The following PLEKHA2 variants were observed in gnomAD, a reference collection of about 807,000 sequenced individuals.
PLEKHA2 encodes pleckstrin homology domain-containing family A member 2.
Under a neutral mutation model 53.2 loss-of-function variants are expected in PLEKHA2, and 28 were observed. The observed-to-expected ratio is 0.53, with a 90% CI of 0.39 to 0.72. The LOEUF (loss-of-function observed/expected upper bound fraction) is 0.72. Among genes scored for constraint, PLEKHA2 ranks in the 30% least tolerant of loss-of-function variants. The pLI, the probability that PLEKHA2 is intolerant of heterozygous loss-of-function variation, is 0.00. For missense variants in PLEKHA2, 426 were observed against 537.9 expected, an observed-to-expected ratio of 0.79 and a Z score of 2.06; for synonymous variants, 193 against 196.4, an observed-to-expected ratio of 0.98 and a Z score of 0.14.
chr8:38,962,357 A>C (rs753553460), intron 10 of PLEKHA2, among the ~76,000 whole-genome samples: 10 of 152,110 alleles, frequency 6.6e-5, no homozygotes, highest in Non-Finnish European at 1.2e-4. Flanking sequence ...AAAGAAAAGA[A>C]AAAAATAAGA....
Position 38,924,157 on chromosome 8 carries a change from C to A in PLEKHA2, c.141+6087C>A, listed in dbSNP as rs376844982. Among the ~76,000 whole-genome samples the A allele has an allele frequency of 9.2e-5, 14 of 152,266 alleles. 1 individual carries two copies. Among genetic ancestry groups the A allele is most frequent in the African/African-American group, 3.4e-4 (14 of 41,550 alleles). On this transcript the variant is annotated intron_variant, in intron 2 of 11. Transcript: ENST00000617275. Reference sequence around the variant, plus strand: ...GAGCCACTACGCCTGGCCCGGTTTTCACTTACAAGATGTCCTTTGATTGTT... The same window carrying A: ...GAGCCACTACGCCTGGCCCGGTTTTAACTTACAAGATGTCCTTTGATTGTT...
chr8:38,918,303 C>T (rs1199671262), intron 2 of PLEKHA2, among the ~76,000 whole-genome samples: 2 of 149,586 alleles, frequency 1.3e-5, no homozygotes, highest in East Asian at 4.0e-4. Flanking sequence ...GCACCTTATA[C>T]ACACACACCA....
chr8:38,923,047 AAAC>A (rs1391477030), intron 2 of PLEKHA2, among the ~76,000 whole-genome samples: 1 of 152,180 alleles, frequency 6.6e-6, no homozygotes, highest in African/African-American at 2.4e-5. Flanking sequence ...GGGGAGAGGA[AAAC>A]AACACACACA....
intron 1 of PLEKHA2, among the ~76,000 whole-genome samples, chr8:38,905,685 C>CT (rs5891048): frequency 0.66 from 78,015 of 117,588 alleles, 26,557 homozygotes; most frequent in Admixed American, 0.72. Flanking sequence ...TGTGTTTTTG[C>CT]TTTTTTTTTT....
In PLEKHA2 at chr8:38,969,791, C is replaced by G; in HGVS notation, c.*8C>G. ...CGGACCTCTGATGTGTGATGGAGCA[C>G]AGTGCCATGGGAGGGAGGGAGGGAG... On this transcript the variant is annotated 3_prime_UTR_variant, in exon 12 of 12. Coordinates refer to ENST00000617275, the MANE Select transcript of PLEKHA2 (RefSeq NM_021623.2). 1 of 1,232,418 alleles carries G rather than the reference C, an allele frequency of 8.1e-7. No homozygotes were observed. Among genetic ancestry groups the G allele is most frequent in the Non-Finnish European group, 1.1e-6 (1 of 880,232 alleles). 76.3% of individuals were successfully genotyped at this position (1,232,418 alleles called of 1,614,324 possible). A position where few individuals can be genotyped will look rare whatever the true frequency, so the allele number is the denominator to read the frequency against.
chr8:38,969,310 G>C, intron 11 of PLEKHA2, 111 bp from the exon 12 acceptor site: 1 of 1,287,576 alleles, frequency 7.8e-7, no homozygotes. Flanking sequence ...AAGCATCCTT[G>C]GACTTATGAG....
chr8:38,963,862 T>C (rs922737566), intron 10 of PLEKHA2, among the ~76,000 whole-genome samples: 11 of 152,178 alleles, frequency 7.2e-5, no homozygotes, highest in Admixed American at 4.6e-4. Context: ...GACCGAAAAA[T>C]GTTCTTAAGA....
At chr8:38,937,292 T>C (rs1441904845) in intron 3 of PLEKHA2, among the ~76,000 whole-genome samples, 16 of 151,944 alleles carry the variant, frequency 1.1e-4, no homozygotes, top group Non-Finnish European at 1.0e-4. Flanking sequence ...TGCCTTGTGG[T>C]GAGAAATGTG....
chr8:38,923,622 C>G (rs895059408), intron 2 of PLEKHA2, among the ~76,000 whole-genome samples: 1 of 152,162 alleles, frequency 6.6e-6, no homozygotes, highest in African/African-American at 2.4e-5. Flanking sequence ...GTGCCAGATG[C>G]TGATCTAAAT....
Position 38,969,768 on chromosome 8 carries a change from G to A in PLEKHA2, c.1263G>A (p.Arg421=). The A allele has an allele frequency of 7.9e-7, 1 of 1,272,948 alleles. No individual in the cohort carries two copies. The allele number at this position is 1,272,948 out of a possible 1,614,324, so 78.9% of individuals were successfully genotyped here. Residue 421 remains arginine (R), a synonymous_variant, in exon 12 of 12, where the codon CGG becomes CGA. Coordinates refer to ENST00000617275, the MANE Select transcript of PLEKHA2 (RefSeq NM_021623.2). ...TCAACCTTGATGATGAAAACATACG[G>A]ACCTCTGATGTGTGATGGAGCACAG... ...FMFNLDDENI[R]TSDV is the part of the protein sequence containing the mutation.
At chr8:38,906,977 A>G (rs965609001) in intron 1 of PLEKHA2, among the ~76,000 whole-genome samples, 4 of 152,066 alleles carry the variant, frequency 2.6e-5, no homozygotes, top group Non-Finnish European at 5.9e-5. Context: ...GAGATCTCTG[A>G]TGTTATTTCC....
rs1002719646 is a variant in PLEKHA2 at position 38,910,758 on chromosome 8, T to C, written c.-23-7149T>C. 1.1e-4 allele frequency among the ~76,000 whole-genome samples: 16 copies of C among 152,198 alleles called. 1 individual carries two copies. The East Asian group carries it at 2.9e-3, about 27-fold the overall frequency. ...CAAATTTTAGCCTTATGTATAACAG[T>C]GAAAAATTGGATATAACCTTCAATT... On this transcript the variant is annotated intron_variant, in intron 1 of 11. Transcript: ENST00000617275.
At chr8:38,949,122 C>T (rs1039470559) in intron 5 of PLEKHA2, among the ~76,000 whole-genome samples, 8 of 152,168 alleles carry the variant, frequency 5.3e-5, no homozygotes, top group Admixed American at 3.3e-4. Flanking sequence ...CCGCCCGCCT[C>T]GGCCTCCCAA....
intron 1 of PLEKHA2, among the ~76,000 whole-genome samples, chr8:38,908,286 T>C (rs2152364073): frequency 6.6e-6 from 1 of 152,296 alleles, no homozygotes; most frequent in East Asian, 1.9e-4. Context: ...CCATACGAAG[T>C]AAGAAACCCA....
rs1834211482 is a variant in PLEKHA2 at position 38,922,498 on chromosome 8, T to C, written c.141+4428T>C. On this transcript the variant is annotated intron_variant, in intron 2 of 11. Coordinates refer to ENST00000617275, the MANE Select transcript of PLEKHA2 (RefSeq NM_021623.2). This position sits in a 1 kb window ranked among gnomAD's most constrained non-coding sequence, Gnocchi z 4.0. ...TCTGCAGAGAGGGGCATCCTGGGGA[T>C]TTTGGTCCATTCCTATGAAAAGAGG... Among the ~76,000 whole-genome samples the C allele has an allele frequency of 1.3e-5, 2 of 152,224 alleles. No individual in the cohort carries two copies. Among genetic ancestry groups the C allele is most frequent in the South Asian group, 4.1e-4 (2 of 4,824 alleles).
chr8:38,952,434 C>T, intron 7 of PLEKHA2, 122 bp downstream of exon 7: 1 of 1,430,858 alleles, frequency 7.0e-7, no homozygotes, highest in Non-Finnish European at 9.4e-7. Flanking sequence ...GGAGCCTCCA[C>T]CTTTGAGGGT....
In PLEKHA2 at chr8:38,953,947, A is replaced by G. The variant is rs542624438; in HGVS notation, c.773+580A>G. 1.1e-4 allele frequency among the ~76,000 whole-genome samples: 17 copies of G among 152,334 alleles called. No individual in the cohort carries two copies. In the East Asian group the frequency reaches 1.5e-3, roughly 14 times the overall value. On this transcript the variant is annotated intron_variant, in intron 9 of 11. Coordinates refer to ENST00000617275, the MANE Select transcript of PLEKHA2 (RefSeq NM_021623.2). ...AGTTACCTTCCAAGTGCCACTTTGC[A>G]TAGGATGAGTTTGGGACCTGGCAAG... is the stretch of plus-strand genomic sequence containing the variant.
chr8:38,945,818 C>T (rs1481876087), intron 4 of PLEKHA2, among the ~76,000 whole-genome samples: 1 of 152,182 alleles, frequency 6.6e-6, no homozygotes, highest in African/African-American at 2.4e-5. Flanking sequence ...ACAGTTGTGT[C>T]TTGTTGACGG....
chr8:38,922,999 G>T lies in PLEKHA2; in HGVS notation c.141+4929G>T, dbSNP rs1250429289. Reference sequence around the variant, plus strand: ...TGTAGATGATGTGGAAAATGAATTCGGTGAGGCCTTTGCCACCAGGAAGCT... The same window carrying T: ...TGTAGATGATGTGGAAAATGAATTCTGTGAGGCCTTTGCCACCAGGAAGCT... On this transcript the variant is annotated intron_variant, in intron 2 of 11. Coordinates refer to ENST00000617275, the MANE Select transcript of PLEKHA2 (RefSeq NM_021623.2). The surrounding 1 kb of genome is among the most constrained non-coding windows in gnomAD (Gnocchi z 4.0). Among the ~76,000 whole-genome samples, 3 of 152,152 alleles carry T rather than the reference G, an allele frequency of 2.0e-5. No homozygotes were observed. The highest frequency in any genetic ancestry group is 4.4e-5 in the Non-Finnish European group (3 of 68,026).
Sources: gnomAD v4.1 joint callset for allele counts (sites outside exome capture counted in the v4.1 genomes callset) on GRCh38, gnomAD v4.1.1 for gene constraint, Gnocchi (gnomAD v3.1) non-coding constraint, MANE v1.5 for transcripts, NCBI Gene and HGNC (gene_info 2026-07-23, HGNC 2026-07-21) for gene names.